PAH: variants seen among roughly 807,000 people sequenced by gnomAD.
PAH encodes the protein phenylalanine-4-hydroxylase.
PAH carries 64 observed loss-of-function variants against 62.0 expected under a neutral mutation model. The ratio of observed to expected loss-of-function variants is 1.03; its 90% CI spans 0.84 to 1.27. The LOEUF (loss-of-function observed/expected upper bound fraction) is 1.27, where lower values mean the gene tolerates loss of function less well. Among genes scored for constraint, PAH ranks in the 50% most tolerant of loss-of-function variants. The pLI, the probability that PAH is intolerant of heterozygous loss-of-function variation, is 0.00. For missense variants in PAH, 579 were observed against 542.8 expected, an observed-to-expected ratio of 1.07 and a Z score of -0.66; for synonymous variants, 195 against 196.2, an observed-to-expected ratio of 0.99 and a Z score of 0.05.
At chr12:102,939,495 G>A (rs949770787) in intron 1 of PAH, among the ~76,000 whole-genome samples, 81 of 152,240 alleles carry the variant, frequency 5.3e-4, no homozygotes, top group African/African-American at 1.9e-3. Context: ...AGAAGCAACT[G>A]ACAACCCCTC....
chr12:102,931,488 G>A (rs897724489), intron 1 of PAH, among the ~76,000 whole-genome samples: 1 of 152,148 alleles, frequency 6.6e-6, no homozygotes, highest in African/African-American at 2.4e-5. Context: ...GGAAAGGAGA[G>A]GTAAGGATGT....
chr12:102,882,610 T>C (rs1424987590), intron 3 of PAH, among the ~76,000 whole-genome samples: 1 of 146,636 alleles, frequency 6.8e-6, no homozygotes. Flanking sequence ...ACACATACTA[T>C]ATATATCTGT....
intron 2 of PAH, among the ~76,000 whole-genome samples, chr12:102,909,522 C>G (rs900260299): frequency 1.3e-5 from 2 of 152,158 alleles, no homozygotes; most frequent in Non-Finnish European, 2.9e-5. Flanking sequence ...TCTTCTCCCC[C>G]TTCCATGTGG....
chr12:102,852,024 A>G lies in PAH; in HGVS notation c.843-268T>C, dbSNP rs1722383. ...TTAAGAGTATCCCCAGTGGGGTACC[A>G]GGCAGAAGAGCTAATATTCCTGTGG... On this transcript the variant is annotated intron_variant, in intron 7 of 12. Coordinates refer to ENST00000553106, the MANE Select transcript of PAH (RefSeq NM_000277.3). 0.59 allele frequency: 277,022 copies of G among 465,780 alleles called. 86,680 individuals carry two copies. Among genetic ancestry groups the G allele is most frequent in the African/African-American group, 0.78 (39,763 of 50,666 alleles). The allele number at this position is 465,780 out of a possible 1,614,324, so 28.9% of individuals were successfully genotyped here. A position where few individuals can be genotyped will look rare whatever the true frequency, so the allele number is the denominator to read the frequency against.
chr12:102,871,844 C>T (rs1371611329), intron 4 of PAH, among the ~76,000 whole-genome samples: 2 of 150,234 alleles, frequency 1.3e-5, no homozygotes, highest in Non-Finnish European at 3.0e-5. Flanking sequence ...ACTGCTTGAA[C>T]CTGGGAGGCA....
intron 4 of PAH, among the ~76,000 whole-genome samples, chr12:102,871,353 C>T (rs1210332020): frequency 6.6e-6 from 1 of 152,282 alleles, no homozygotes; most frequent in East Asian, 1.9e-4. Context: ...TTAAACACAC[C>T]ATGCTCTTTC....
intron 11 of PAH, 86 bp from the exon 12 acceptor site, chr12:102,840,601 T>A (rs1874553748): frequency 1.1e-6 from 1 of 939,430 alleles, no homozygotes; most frequent in East Asian, 2.4e-5. Context: ...TTTTACTTCT[T>A]TTTTAGGAAC....
chr12:102,849,755 G>A (rs1875065796), intron 8 of PAH, among the ~76,000 whole-genome samples: 2 of 152,172 alleles, frequency 1.3e-5, no homozygotes, highest in Non-Finnish European at 2.9e-5. Flanking sequence ...ACCATTCTTT[G>A]TGAGCCTAGA....
At chr12:102,912,545 A>G (rs1370643151) in intron 2 of PAH, among the ~76,000 whole-genome samples, 1 of 152,176 alleles carries the variant, frequency 6.6e-6, no homozygotes, top group Non-Finnish European at 1.5e-5. Context: ...ACATTATTTC[A>G]TCACAAAGTT....
At chr12:102,925,854 G>A (rs1271250580) in intron 1 of PAH, among the ~76,000 whole-genome samples, 4 of 152,054 alleles carry the variant, frequency 2.6e-5, no homozygotes, top group Admixed American at 2.6e-4. Flanking sequence ...TCATAATAAA[G>A]TCAGTTAGTA....
intron 9 of PAH, among the ~76,000 whole-genome samples, chr12:102,845,372 A>G (rs1874790987): frequency 6.6e-6 from 1 of 152,176 alleles, no homozygotes; most frequent in Admixed American, 6.5e-5. Context: ...GATGCTCTGA[A>G]GCTGGCAGAG....
At chr12:102,900,713 G>C (rs986585840) in intron 2 of PAH, among the ~76,000 whole-genome samples, 1 of 152,098 alleles carries the variant, frequency 6.6e-6, no homozygotes, top group African/African-American at 2.4e-5. Flanking sequence ...CAATAATTTT[G>C]ATTGCTAAGA....
At chr12:102,893,773 C>T (rs182212858) in intron 3 of PAH, among the ~76,000 whole-genome samples, 479 of 152,306 alleles carry the variant, frequency 3.1e-3, no homozygotes, top group African/African-American at 0.01. Context: ...TTTTCCTCCC[C>T]GGAGGATGAG....
upstream of PAH, among the ~76,000 whole-genome samples, chr12:102,951,216 AC>A (rs1271511125): frequency 2.0e-5 from 3 of 152,018 alleles, no homozygotes; most frequent in Non-Finnish European, 4.4e-5. Flanking sequence ...TTGCAACCCC[AC>A]CCCGGGGCGC....
intron 5 of PAH, among the ~76,000 whole-genome samples, chr12:102,863,104 C>T (rs1457412598): frequency 6.6e-6 from 1 of 152,170 alleles, no homozygotes; most frequent in African/African-American, 2.4e-5. Flanking sequence ...TTTAGTAAAC[C>T]TCTCTGAGCC....
chr12:102,952,205 G>C (rs539635247), upstream of PAH, among the ~76,000 whole-genome samples: 9 of 152,074 alleles, frequency 5.9e-5, no homozygotes, highest in African/African-American at 2.2e-4. Flanking sequence ...TGGACTCCAC[G>C]CTTCTTTTCT....
chr12:102,863,719 T>G (rs565509896), intron 5 of PAH, among the ~76,000 whole-genome samples: 1 of 152,196 alleles, frequency 6.6e-6, no homozygotes, highest in East Asian at 1.9e-4. Flanking sequence ...GAGAGGCAAA[T>G]AATGAGATGC....
chr12:102,941,506 A>G (rs113931171), intron 1 of PAH, among the ~76,000 whole-genome samples: 89 of 152,280 alleles, frequency 5.8e-4, no homozygotes, highest in African/African-American at 2.1e-3. Flanking sequence ...AGGGATAGAT[A>G]TTGTTACTTC....
At chr12:102,848,802 G>A (rs781455529) in intron 8 of PAH, among the ~76,000 whole-genome samples, 51 of 151,548 alleles carry the variant, frequency 3.4e-4, no homozygotes, top group Non-Finnish European at 7.1e-4. Context: ...AGGACACCAG[G>A]AGACTGGAGA....
Sources: gnomAD v4.1 joint callset for allele counts (sites outside exome capture counted in the v4.1 genomes callset) on GRCh38, gnomAD v4.1.1 for gene constraint, MANE v1.5 for transcripts, NCBI Gene and HGNC (gene_info 2026-07-23, HGNC 2026-07-21) for gene names.